Variants in CNIH1 observed in about 807,000 individuals in gnomAD.
CNIH1 encodes cornichon family member 1.
Under a neutral mutation model 20.2 loss-of-function variants are expected in CNIH1, and 12 were observed. The observed-to-expected ratio is 0.59, with a 90% CI of 0.38 to 0.96. The LOEUF is 0.96. Among genes scored for constraint, CNIH1 ranks in the 40% least tolerant of loss-of-function variants. The probability of loss-of-function intolerance (pLI) is 0.00; values close to 1 mark genes in which losing one functional copy is unlikely to be tolerated. For missense variants in CNIH1, 152 were observed against 178.8 expected (o/e 0.85, Z 0.85); for synonymous variants, 69 against 63.3 (o/e 1.09, Z -0.43).
Position 54,427,765 on chromosome 14 carries a change from G to C in CNIH1, c.*49C>G, listed in dbSNP as rs1280044054. ...CTTGCTGGATAGAATCCCTTCATTTGGTGGCTTTTTGCATGCACTTAACTG... is the reference window on the plus strand; with the variant it reads ...CTTGCTGGATAGAATCCCTTCATTTCGTGGCTTTTTGCATGCACTTAACTG... On this transcript the variant is annotated 3_prime_UTR_variant, in exon 5 of 5. Coordinates refer to ENST00000216416, the MANE Select transcript of CNIH1 (RefSeq NM_005776.3). 8 of 1,597,744 alleles carry C rather than the reference G, an allele frequency of 5.0e-6. No individual in the cohort carries two copies. The highest frequency in any genetic ancestry group is 6.9e-6 in the Non-Finnish European group (8 of 1,166,266).
At chr14:54,431,507 T>C (rs926326543) in intron 3 of CNIH1, among the ~76,000 whole-genome samples, 2 of 152,140 alleles carry the variant, frequency 1.3e-5, no homozygotes, top group African/African-American at 2.4e-5. Flanking sequence ...TCAGTATATG[T>C]CTCCTAAAAT....
chr14:54,441,331 T>G lies in CNIH1; in HGVS notation c.-4A>C. The G allele has an allele frequency of 6.7e-7, 1 of 1,501,816 alleles. No individual in the cohort carries two copies. Among genetic ancestry groups the G allele is most frequent in the East Asian group, 2.7e-5 (1 of 36,472 alleles). The allele number at this position is 1,501,816 out of a possible 1,614,324, so 93.0% of individuals were successfully genotyped here. A position where few individuals can be genotyped will look rare whatever the true frequency, so the allele number is the denominator to read the frequency against. On this transcript the variant is annotated 5_prime_UTR_variant, in exon 1 of 5. Transcript: ENST00000216416. ...AGGCCGCGAACGTGAACGCCATGGCTGGGGAGGAGGAGCGGGGAGCGGCGC... is the reference window on the plus strand; with the variant it reads ...AGGCCGCGAACGTGAACGCCATGGCGGGGGAGGAGGAGCGGGGAGCGGCGC...
At chr14:54,439,353 T>A (rs753535720) in intron 1 of CNIH1, among the ~76,000 whole-genome samples, 2 of 152,056 alleles carry the variant, frequency 1.3e-5, no homozygotes. Flanking sequence ...TTGTTTAAGC[T>A]GAAATTACCC....
chr14:54,427,851 A>T lies in CNIH1; in HGVS notation c.408-10T>A. ...CAAAACATAGATCATGCTGAAAAGA[A>T]GAAAAAAGATGTTAATTTGAACATT... On this transcript the variant is annotated splice_polypyrimidine_tract_variant and intron_variant, in intron 4 of 4. Transcript: ENST00000216416. 1 of 1,613,112 alleles carries T rather than the reference A, an allele frequency of 6.2e-7. No individual in the cohort carries two copies. The highest frequency in any genetic ancestry group is 8.5e-7 in the Non-Finnish European group (1 of 1,179,508).
chr14:54,426,465 C>G lies in CNIH1; in HGVS notation c.*1349G>C, dbSNP rs2030828706. The G allele has an allele frequency of 1.3e-5, 2 of 152,164 alleles. No homozygotes were observed. Among genetic ancestry groups the G allele is most frequent in the South Asian group, 4.1e-4 (2 of 4,828 alleles). The allele number at this position is 152,164 out of a possible 1,614,324, so 9.4% of individuals were successfully genotyped here. On this transcript the variant is annotated 3_prime_UTR_variant, in exon 5 of 5. Coordinates refer to ENST00000216416, the MANE Select transcript of CNIH1 (RefSeq NM_005776.3). ...TGGTTCTCTTTCTTTTGATCCTCTT[C>G]TCAAGAAACTTCCAAACCACTTATT... is the stretch of plus-strand genomic sequence containing the variant.
intron 1 of CNIH1, among the ~76,000 whole-genome samples, chr14:54,440,747 C>G (rs1338876290): frequency 6.6e-6 from 1 of 152,224 alleles, no homozygotes; most frequent in Non-Finnish European, 1.5e-5. Flanking sequence ...ATTTGAAGAG[C>G]ACCGAACAAG....
At chr14:54,433,838 GT>G (rs1040805392) in intron 2 of CNIH1, among the ~76,000 whole-genome samples, 1 of 152,246 alleles carries the variant, frequency 6.6e-6, no homozygotes, top group African/African-American at 2.4e-5. Context: ...TAATAAAAGT[GT>G]TAATAAAGAT....
intron 2 of CNIH1, among the ~76,000 whole-genome samples, chr14:54,433,301 T>C (rs540607160): frequency 6.6e-6 from 1 of 152,324 alleles, no homozygotes; most frequent in East Asian, 1.9e-4. Context: ...GTAGATATTG[T>C]AATCACACTA....
rs994085815 is a variant in CNIH1 at position 54,425,402 on chromosome 14, C to G, written c.*2412G>C. On this transcript the variant is annotated 3_prime_UTR_variant, in exon 5 of 5. Coordinates refer to ENST00000216416, the MANE Select transcript of CNIH1 (RefSeq NM_005776.3). ...ATAAGGAGAAAAAAAAAAAGAGTAC[C>G]TAAATGAACAGCTGTTGCTGCACAG... The G allele has an allele frequency of 1.3e-5, 2 of 151,830 alleles. No individual in the cohort carries two copies. Among genetic ancestry groups the G allele is most frequent in the Admixed American group, 1.3e-4 (2 of 15,262 alleles). 9.4% of individuals were successfully genotyped at this position (151,830 alleles called of 1,614,324 possible).
intron 3 of CNIH1, 31 bp downstream of exon 3, chr14:54,432,077 A>G: frequency 8.2e-7 from 1 of 1,214,644 alleles, no homozygotes; most frequent in Non-Finnish European, 1.1e-6. Context: ...TTTTAATTTA[A>G]AAAAATATTA....
At chr14:54,439,605 T>C (rs1224989469) in intron 1 of CNIH1, among the ~76,000 whole-genome samples, 4 of 151,840 alleles carry the variant, frequency 2.6e-5, no homozygotes, top group Middle Eastern at 3.4e-3. Flanking sequence ...TGGAGTGCAG[T>C]GGCGCCATCG....
rs2030802364 is a variant in CNIH1, at chr14:54,425,223, C to T, written c.*2591G>A. ...ATTATGTTAGGGTTTTAATTCAGGACAATCTGTGGTATCCATAGCAACAAA... is the reference window on the plus strand; with the variant it reads ...ATTATGTTAGGGTTTTAATTCAGGATAATCTGTGGTATCCATAGCAACAAA... On this transcript the variant is annotated 3_prime_UTR_variant, in exon 5 of 5. Transcript: ENST00000216416. 1.3e-5 allele frequency: 2 copies of T among 152,126 alleles called. No individual in the cohort carries two copies. The highest frequency in any genetic ancestry group is 6.5e-5 in the Admixed American group (1 of 15,276). 9.4% of individuals were successfully genotyped at this position (152,126 alleles called of 1,614,324 possible).
chr14:54,439,695 G>A (rs534969946), intron 1 of CNIH1, among the ~76,000 whole-genome samples: 92 of 151,910 alleles, frequency 6.1e-4, no homozygotes, highest in African/African-American at 2.1e-3. Flanking sequence ...GATTACAGGC[G>A]CCCACCACCA....
Position 54,426,504 on chromosome 14 carries a change from C to T in CNIH1, c.*1310G>A, listed in dbSNP as rs968396787. 6.6e-6 allele frequency: 1 copy of T among 152,138 alleles called. No individual in the cohort carries two copies. The highest frequency in any genetic ancestry group is 1.9e-4 in the East Asian group (1 of 5,202). 9.4% of individuals were successfully genotyped at this position (152,138 alleles called of 1,614,324 possible). On this transcript the variant is annotated 3_prime_UTR_variant, in exon 5 of 5. Transcript: ENST00000216416. ...AAACCACTTATTTTATTTTCAACTGCCTTAACTTCCTCATCCCAAATAAAG... is the reference window on the plus strand; with the variant it reads ...AAACCACTTATTTTATTTTCAACTGTCTTAACTTCCTCATCCCAAATAAAG...
At chr14:54,431,288 T>C (rs2030938403) in intron 3 of CNIH1, among the ~76,000 whole-genome samples, 1 of 152,080 alleles carries the variant, frequency 6.6e-6, no homozygotes, top group Admixed American at 6.5e-5. Context: ...CCACCACTAC[T>C]GGTTAATTTT....
chr14:54,435,107 T>G (rs2031030852), intron 2 of CNIH1, among the ~76,000 whole-genome samples: 1 of 152,236 alleles, frequency 6.6e-6, no homozygotes, highest in African/African-American at 2.4e-5. Flanking sequence ...GTTAAGTAAT[T>G]TTTAAAGCTG....
At position 54,428,058 on chromosome 14, in the gene CNIH1, A is replaced by G. The variant is rs1173017742; in HGVS notation, c.408-217T>C. 2.6e-5 allele frequency among the ~76,000 whole-genome samples: 4 copies of G among 152,076 alleles called. No individual in the cohort carries two copies. The South Asian group carries it at 6.2e-4, about 24-fold the overall frequency. On this transcript the variant is annotated intron_variant, in intron 4 of 4. Transcript: ENST00000216416. The stretch of plus-strand genomic sequence containing the variant: ...TGTAGTTGTCCCCTATTCCCTTCCA[A>G]TTTTAGCAAGTAGAACGGCACAGCT...
intron 3 of CNIH1, among the ~76,000 whole-genome samples, chr14:54,431,201 T>C (rs1428507466): frequency 6.6e-6 from 1 of 151,976 alleles, no homozygotes; most frequent in African/African-American, 2.4e-5. Flanking sequence ...CGATCTTGGC[T>C]AACTGCAAAC....
intron 4 of CNIH1, among the ~76,000 whole-genome samples, 200 bp from the exon 5 acceptor site, chr14:54,428,041 T>C (rs2030861295): frequency 6.6e-6 from 1 of 152,172 alleles, no homozygotes; most frequent in African/African-American, 2.4e-5. Context: ...GCTGTAGTTG[T>C]CCCCTATTCC....
Sources: gnomAD v4.1 joint callset for allele counts (sites outside exome capture counted in the v4.1 genomes callset) on GRCh38, gnomAD v4.1.1 for gene constraint, MANE v1.5 for transcripts, NCBI Gene and HGNC (gene_info 2026-07-23, HGNC 2026-07-21) for gene names.